USH2A: variants seen among roughly 807,000 people sequenced by gnomAD.
USH2A encodes the protein Usher syndrome 2A (autosomal recessive, mild).
Under a neutral mutation model 538.9 loss-of-function variants are expected in USH2A, and 443 were observed. That is an observed-to-expected ratio of 0.82 (90% CI 0.76 to 0.89). The LOEUF is 0.89. Ranked by LOEUF, USH2A falls within the 40% of genes least tolerant of loss-of-function variation. The probability of loss-of-function intolerance (pLI) is 0.00; values close to 1 mark genes in which losing one functional copy is unlikely to be tolerated. For missense variants in USH2A, 6,633 were observed against 6,324.8 expected (o/e 1.05, Z -1.65); for synonymous variants, 2,413 against 2,273.5 (o/e 1.06, Z -1.75).
chr1:216,257,479 C>A (rs2036281245), intron 11 of USH2A, among the ~76,000 whole-genome samples: 1 of 151,958 alleles, frequency 6.6e-6, no homozygotes, highest in Non-Finnish European at 1.5e-5. Flanking sequence ...AAATTTATCA[C>A]TAGCTTTGAG....
intron 21 of USH2A, among the ~76,000 whole-genome samples, chr1:216,126,676 C>T (rs182807953): frequency 4.6e-5 from 7 of 152,136 alleles, no homozygotes; most frequent in Non-Finnish European, 1.0e-4. Context: ...AAAACCAAGG[C>T]TCCTAATTTT....
At chr1:216,393,902 T>C (rs2039156979) in intron 3 of USH2A, among the ~76,000 whole-genome samples, 1 of 152,172 alleles carries the variant, frequency 6.6e-6, no homozygotes, top group African/African-American at 2.4e-5. Flanking sequence ...GACATCTGTT[T>C]GACAGAGGAC....
At chr1:216,408,306 A>G (rs2039429480) in intron 3 of USH2A, among the ~76,000 whole-genome samples, 1 of 152,160 alleles carries the variant, frequency 6.6e-6, no homozygotes, top group South Asian at 2.1e-4. Context: ...TCTTACACAC[A>G]CTAGCTAAAC....
intron 11 of USH2A, among the ~76,000 whole-genome samples, chr1:216,287,138 T>C (rs1172397822): frequency 6.6e-6 from 1 of 152,110 alleles, no homozygotes; most frequent in Non-Finnish European, 1.5e-5. Flanking sequence ...GCAATGCTGG[T>C]TCAACATTTG....
At chr1:215,662,615 C>T (rs189154764) in intron 64 of USH2A, among the ~76,000 whole-genome samples, 54 of 152,328 alleles carry the variant, frequency 3.5e-4, no homozygotes, top group African/African-American at 1.1e-3. Flanking sequence ...GGCCTAGTGG[C>T]GAACTTTAGT....
At chr1:215,940,708 G>A (rs1666610977) in intron 37 of USH2A, among the ~76,000 whole-genome samples, 1 of 152,094 alleles carries the variant, frequency 6.6e-6, no homozygotes, top group African/African-American at 2.4e-5. Flanking sequence ...TGAGGACGGT[G>A]CTCGATTAAT....
chr1:215,748,351 ACAGCATTATCACTCTTTAGC>A (rs1308612861), intron 58 of USH2A, among the ~76,000 whole-genome samples: 8 of 152,202 alleles, frequency 5.3e-5, no homozygotes. Flanking sequence ...ATGAAATATA[ACAGCATTATCACTCTTTAGC>A]CAATGAGATT....
chr1:216,166,456 G>A (rs553948997), intron 21 of USH2A, among the ~76,000 whole-genome samples: 3 of 152,176 alleles, frequency 2.0e-5, no homozygotes, highest in East Asian at 3.9e-4. Context: ...ACCATTAAAA[G>A]GTTTTACACA....
At chr1:216,282,362 T>C (rs1191781873) in intron 11 of USH2A, among the ~76,000 whole-genome samples, 2 of 152,226 alleles carry the variant, frequency 1.3e-5, no homozygotes, top group Non-Finnish European at 2.9e-5. Context: ...ATTTTAGCTT[T>C]TATATTCAAT....
chr1:215,690,923 T>C (rs375502697), intron 61 of USH2A, among the ~76,000 whole-genome samples: 1 of 152,124 alleles, frequency 6.6e-6, no homozygotes, highest in African/African-American at 2.4e-5. Context: ...GGAATCTCGC[T>C]CTGTCACTGA....
chr1:215,818,038 T>C (rs1662907901), intron 47 of USH2A, among the ~76,000 whole-genome samples: 1 of 152,032 alleles, frequency 6.6e-6, no homozygotes, highest in African/African-American at 2.4e-5. Flanking sequence ...CTTATGATTT[T>C]CTTAATGAGA....
chr1:216,112,884 T>G (rs556816345), intron 21 of USH2A, among the ~76,000 whole-genome samples: 2 of 152,116 alleles, frequency 1.3e-5, no homozygotes, highest in Non-Finnish European at 2.9e-5. Context: ...ATTCTATGTC[T>G]TTGCTATTGT....
chr1:216,084,567 T>G, intron 25 of USH2A, 131 bp downstream of exon 25: 1 of 912,276 alleles, frequency 1.1e-6, no homozygotes, highest in Non-Finnish European at 1.7e-6. Flanking sequence ...GTGTGCACCA[T>G]TGGAATAACT....
At chr1:216,415,395 A>G (rs1003174261) in intron 3 of USH2A, among the ~76,000 whole-genome samples, 29 of 152,030 alleles carry the variant, frequency 1.9e-4, no homozygotes, top group African/African-American at 7.0e-4. Flanking sequence ...CAATTAGTAC[A>G]TTCCTTATTA....
intron 21 of USH2A, among the ~76,000 whole-genome samples, chr1:216,167,947 T>A (rs995679422): frequency 6.6e-6 from 1 of 152,128 alleles, no homozygotes; most frequent in Non-Finnish European, 1.5e-5. Context: ...AGAGATGGCA[T>A]TTTGACAATG....
At chr1:215,929,015 C>T (rs917778248) in intron 38 of USH2A, among the ~76,000 whole-genome samples, 2 of 151,824 alleles carry the variant, frequency 1.3e-5, no homozygotes, top group Non-Finnish European at 2.9e-5. Context: ...GTAAACTTTC[C>T]TATTTAGTGA....
chr1:216,366,936 G>T (rs1302202311), intron 3 of USH2A, among the ~76,000 whole-genome samples: 2 of 151,908 alleles, frequency 1.3e-5, no homozygotes, highest in Non-Finnish European at 2.9e-5. Flanking sequence ...AAAGATACAG[G>T]CTTTTCTACT....
chr1:216,223,920 C>G (rs2035511056), intron 14 of USH2A, among the ~76,000 whole-genome samples: 1 of 152,142 alleles, frequency 6.6e-6, no homozygotes, highest in Admixed American at 6.6e-5. Context: ...AAATGTAGAA[C>G]ATTTGCAGTA....
intron 11 of USH2A, among the ~76,000 whole-genome samples, chr1:216,258,920 T>C (rs1571630887): frequency 2.6e-5 from 4 of 152,098 alleles, no homozygotes; most frequent in Admixed American, 2.0e-4. Flanking sequence ...AGCTGCATCA[T>C]AGACAGAGCT....
Sources: gnomAD v4.1 joint callset for allele counts (sites outside exome capture counted in the v4.1 genomes callset) on GRCh38, gnomAD v4.1.1 for gene constraint, MANE v1.5 for transcripts, NCBI Gene and HGNC (gene_info 2026-07-23, HGNC 2026-07-21) for gene names.